The following PLSCR4 variants were observed in gnomAD, a reference collection of about 807,000 sequenced individuals.
PLSCR4 encodes the protein phospholipid scramblase 4, also known as Ca(2+)-dependent phospholipid scramblase 4.
In PLSCR4, 25 loss-of-function variants were observed where a neutral mutation model predicts 36.3. That is an observed-to-expected ratio of 0.69 (90% confidence interval 0.50 to 0.96). The LOEUF (loss-of-function observed/expected upper bound fraction) is 0.96, where lower values mean the gene tolerates loss of function less well. Ranked by LOEUF, PLSCR4 falls within the 40% of genes least tolerant of loss-of-function variation. PLSCR4 has a pLI of 0.00. For missense variants in PLSCR4, 408 were observed against 414.7 expected, an observed-to-expected ratio of 0.98 and a Z score of 0.14; for synonymous variants, 122 against 132.9, an observed-to-expected ratio of 0.92 and a Z score of 0.56.
intron 4 of PLSCR4, among the ~76,000 whole-genome samples, chr3:146,205,471 G>C (rs905807730): frequency 6.6e-6 from 1 of 151,786 alleles, no homozygotes; most frequent in Non-Finnish European, 1.5e-5. Context: ...GTCTTTCCTT[G>C]ACATATCCAA....
intron 1 of PLSCR4, among the ~76,000 whole-genome samples, chr3:146,228,302 A>C (rs1426841167): frequency 6.6e-6 from 1 of 152,200 alleles, no homozygotes; most frequent in African/African-American, 2.4e-5. Context: ...ATTTTTAAAA[A>C]TCTGTCTGCC....
At chr3:146,210,802 T>C (rs1439514630) in intron 3 of PLSCR4, among the ~76,000 whole-genome samples, 1 of 151,678 alleles carries the variant, frequency 6.6e-6, no homozygotes, top group Non-Finnish European at 1.5e-5. Context: ...TTGCCTAATC[T>C]ACACTTTTCA....
At chr3:146,245,724 T>G (rs1018012281) in intron 1 of PLSCR4, among the ~76,000 whole-genome samples, 1 of 115,218 alleles carries the variant, frequency 8.7e-6, no homozygotes, top group Non-Finnish European at 1.9e-5. Context: ...AAACATTTCC[T>G]CTTTAAATTT....
At chr3:146,246,433 T>A (rs2036341587) in intron 1 of PLSCR4, among the ~76,000 whole-genome samples, 1 of 152,086 alleles carries the variant, frequency 6.6e-6, no homozygotes, top group South Asian at 2.1e-4. Context: ...GGAGGTTAGC[T>A]ATTTGGCTTT....
At chr3:146,232,675 G>A (rs1361063239) in intron 1 of PLSCR4, among the ~76,000 whole-genome samples, 1 of 152,040 alleles carries the variant, frequency 6.6e-6, no homozygotes, top group East Asian at 1.9e-4. Flanking sequence ...GCTACTGATT[G>A]TTTTACACTG....
At chr3:146,222,858 ACC>A (rs2035236724) in intron 1 of PLSCR4, among the ~76,000 whole-genome samples, 2 of 152,148 alleles carry the variant, frequency 1.3e-5, no homozygotes, top group African/African-American at 4.8e-5. Flanking sequence ...GAGAGCTGAC[ACC>A]AGCTTAGATG....
chr3:146,229,860 G>T (rs2035635621), intron 1 of PLSCR4, among the ~76,000 whole-genome samples: 1 of 151,974 alleles, frequency 6.6e-6, no homozygotes. Context: ...TCCTGACCTC[G>T]TGATCCACCC....
intron 4 of PLSCR4, among the ~76,000 whole-genome samples, chr3:146,203,738 G>T (rs1328346705): frequency 1.3e-5 from 2 of 151,818 alleles, no homozygotes; most frequent in African/African-American, 4.8e-5. Context: ...ATAGGGCTTT[G>T]CTCTGAATTA....
intron 3 of PLSCR4, among the ~76,000 whole-genome samples, chr3:146,218,569 G>C (rs1304657575): frequency 2.0e-5 from 3 of 151,860 alleles, no homozygotes; most frequent in African/African-American, 7.2e-5. Context: ...GTATTATCCA[G>C]AGATAAAAGA....
intron 1 of PLSCR4, among the ~76,000 whole-genome samples, chr3:146,228,981 C>G (rs1053746999): frequency 6.6e-6 from 1 of 152,232 alleles, no homozygotes; most frequent in African/African-American, 2.4e-5. Context: ...AAAATGTATA[C>G]ACCTTGCTTT....
At chr3:146,250,765 G>A (rs2867084) in intron 1 of PLSCR4, 195 bp downstream of exon 1, 121,424 of 152,046 alleles carry the variant, frequency 0.8, 48,905 homozygotes, top group Non-Finnish European at 0.86. Flanking sequence ...CGACACCACG[G>A]AACTTCTGCA....
intron 1 of PLSCR4, among the ~76,000 whole-genome samples, chr3:146,234,476 CTAAAG>C (rs1289565541): frequency 6.6e-6 from 1 of 152,128 alleles, no homozygotes; most frequent in African/African-American, 2.4e-5. Context: ...GTGGAAAACA[CTAAAG>C]GAAAGAAATC....
intron 1 of PLSCR4, among the ~76,000 whole-genome samples, chr3:146,240,000 T>C (rs77998619): frequency 0.017 from 2,561 of 152,108 alleles, 77 homozygotes; most frequent in African/African-American, 0.058. Flanking sequence ...TGATATGACA[T>C]CAATAGTAAA....
rs550530348 is a variant in PLSCR4, at chr3:146,233,292, A to G, written c.-21-11200T>C. On this transcript the variant is annotated intron_variant, in intron 1 of 8. Coordinates refer to ENST00000354952, the MANE Select transcript of PLSCR4 (RefSeq NM_020353.3). Reference sequence around the variant, plus strand: ...TGTTAAATTATTTTTAACATATCACAATGTTATTTAATATGTTAAATTATT... The same window carrying G: ...TGTTAAATTATTTTTAACATATCACGATGTTATTTAATATGTTAAATTATT... Among the ~76,000 whole-genome samples, 12 of 152,232 alleles carry G rather than the reference A, an allele frequency of 7.9e-5. 1 individual carries two copies. In the South Asian group the frequency reaches 2.5e-3, roughly 32 times the overall value.
chr3:146,212,930 T>C (rs2034696072), intron 3 of PLSCR4, among the ~76,000 whole-genome samples: 1 of 152,188 alleles, frequency 6.6e-6, no homozygotes, highest in East Asian at 1.9e-4. Context: ...ATGGAGGATG[T>C]TGTATTTTGT....
At chr3:146,222,242 C>T in intron 1 of PLSCR4, 150 bp from the exon 2 acceptor site, 1 of 374,418 alleles carries the variant, frequency 2.7e-6, no homozygotes, top group Non-Finnish European at 4.9e-6. Flanking sequence ...ACTTATTGAG[C>T]ACCTATTATG....
chr3:146,197,453 A>G (rs1164954836), intron 6 of PLSCR4, among the ~76,000 whole-genome samples: 1 of 152,164 alleles, frequency 6.6e-6, no homozygotes, highest in Non-Finnish European at 1.5e-5. Context: ...TAAACAGTTA[A>G]GCTGACTTTT....
intron 3 of PLSCR4, among the ~76,000 whole-genome samples, chr3:146,210,399 T>C (rs1334946871): frequency 1.3e-5 from 2 of 152,028 alleles, no homozygotes; most frequent in Non-Finnish European, 2.9e-5. Flanking sequence ...TTTTTAAAAA[T>C]GGAACTAGAT....
chr3:146,238,683 T>C (rs1160103748), intron 1 of PLSCR4, among the ~76,000 whole-genome samples: 1 of 152,098 alleles, frequency 6.6e-6, no homozygotes, highest in South Asian at 2.1e-4. Flanking sequence ...CCACAGCTAA[T>C]GTCATACTCA....
Sources: allele counts gnomAD v4.1 joint callset (sites outside exome capture counted in the v4.1 genomes callset), GRCh38; gene constraint gnomAD v4.1.1; transcripts MANE v1.5; gene names NCBI Gene and HGNC (gene_info 2026-07-23, HGNC 2026-07-21).